The following PEX1 variants were observed in gnomAD, a reference collection of about 807,000 sequenced individuals.
PEX1 encodes the protein peroxisomal biogenesis factor 1, also known as peroxisomal ATPase PEX1.
In PEX1, 97 loss-of-function variants were observed where a neutral mutation model predicts 152.5. The observed-to-expected ratio is 0.64, with a 90% CI of 0.54 to 0.75. PEX1 has a LOEUF of 0.75. Ranked by LOEUF, PEX1 falls within the 30% of genes least tolerant of loss-of-function variation. PEX1 has a pLI of 0.00. For missense variants in PEX1, 1,357 were observed against 1,516.3 expected (o/e 0.89, Z 1.74); for synonymous variants, 485 against 531.6 (o/e 0.91, Z 1.21).
At chr7:92,494,060 TCCCCAATCAG>T in intron 19 of PEX1, 1 of 488,214 alleles carries the variant, frequency 2.0e-6, no homozygotes, top group Non-Finnish European at 3.7e-6. Flanking sequence ...CATTTTTTTT[TCCCCAATCAG>T]CCAACACAGA....
chr7:92,501,441 G>T, intron 15 of PEX1, 66 bp downstream of exon 15: 2 of 1,369,382 alleles, frequency 1.5e-6, no homozygotes, highest in Middle Eastern at 1.8e-4. Context: ...GACACATAAA[G>T]CCAAAGCCAA....
At position 92,517,612 on chromosome 7, in the gene PEX1, T is replaced by A. The variant is rs2116244706; in HGVS notation, c.903A>T (p.Ser301=). 4 of 1,614,154 alleles carry A rather than the reference T, an allele frequency of 2.5e-6. No individual in the cohort carries two copies. Among genetic ancestry groups the A allele is most frequent in the Non-Finnish European group, 3.4e-6 (4 of 1,180,002 alleles). Reference sequence around the variant, plus strand: ...AGTGTTTATGAAAAACAGAGGTTGCTGACGCGTTATATATACTAGGAGGTT... The same window carrying A: ...AGTGTTTATGAAAAACAGAGGTTGCAGACGCGTTATATATACTAGGAGGTT... ...KSQPPSIYNA[S]ATSVFHKHCA... is the part of the protein sequence containing the mutation. Residue 301 remains serine (S), a synonymous_variant, in exon 5 of 24, where the codon TCA becomes TCT. Transcript: ENST00000248633.
At chr7:92,511,992 C>G (rs567779645) in intron 6 of PEX1, among the ~76,000 whole-genome samples, 1 of 152,366 alleles carries the variant, frequency 6.6e-6, no homozygotes, top group South Asian at 2.1e-4. Context: ...ACCATTCCAA[C>G]CCCATTCTCC....
chr7:92,498,089 A>C (rs1270887676), intron 16 of PEX1, among the ~76,000 whole-genome samples: 1 of 151,594 alleles, frequency 6.6e-6, no homozygotes, highest in Non-Finnish European at 1.5e-5. Context: ...AAAAAAAAAA[A>C]ACTAAGGCAA....
In PEX1 at chr7:92,487,485, C is replaced by T. The variant is rs150793635; in HGVS notation, c.3824G>A (p.Arg1275Gln). ...RRKNQSGTMFRPGQKVTLA is the reference protein window; with the variant it reads ...RRKNQSGTMFQPGQKVTLA ...TGCTAAAGTTACTTTCTGTCCAGGT[C>T]GAAACATTGTTCCACTTTGATTTTT... Residue 1275 changes from arginine to glutamine, a missense_variant, in exon 24 of 24, where the codon CGA (arginine) becomes CAA (glutamine). By Grantham distance (43) the Arg-to-Gln change is conservative. Transcript: ENST00000248633. The T allele has an allele frequency of 1.1e-5, 17 of 1,593,614 alleles. No homozygotes were observed. Among genetic ancestry groups the T allele is most frequent in the African/African-American group, 2.7e-5 (2 of 74,500 alleles).
At chr7:92,495,487 A>G (rs1450781923) in intron 17 of PEX1, among the ~76,000 whole-genome samples, 2 of 152,158 alleles carry the variant, frequency 1.3e-5, no homozygotes, top group African/African-American at 4.8e-5. Context: ...TTTCTAACTC[A>G]ATTTTTACTA....
At chr7:92,517,178 T>C in intron 5 of PEX1, 98 bp downstream of exon 5, 1 of 1,016,300 alleles carries the variant, frequency 9.8e-7, no homozygotes, top group Non-Finnish European at 1.5e-6. Flanking sequence ...TTCTTTTTAA[T>C]TGATTTTCAA....
At chr7:92,508,926 GT>G (rs2116192361) in intron 9 of PEX1, among the ~76,000 whole-genome samples, 1 of 152,028 alleles carries the variant, frequency 6.6e-6, no homozygotes, top group South Asian at 2.1e-4. Context: ...TTCAACTAAT[GT>G]TTTTGGCTTT....
chr7:92,515,119 A>C (rs913794143), intron 5 of PEX1, among the ~76,000 whole-genome samples: 5 of 104,864 alleles, frequency 4.8e-5, no homozygotes, highest in African/African-American at 1.9e-4. Context: ...ATATATATAT[A>C]TATCAATAAT....
At chr7:92,521,615 AGTAGAGAGGGGGG>A (rs968955528) in intron 2 of PEX1, among the ~76,000 whole-genome samples, 2 of 151,920 alleles carry the variant, frequency 1.3e-5, no homozygotes, top group Non-Finnish European at 2.9e-5. Context: ...TTGAATTTTT[AGTAGAGAGGGGGG>A]GTTTCACCAC....
At position 92,513,919 on chromosome 7, in the gene PEX1, C is replaced by G. The variant is rs145344977; in HGVS notation, c.1288G>C (p.Val430Leu). Residue 430 changes from valine (V) to leucine (L), a missense_variant, in exon 6 of 24, where the codon GTC becomes CTC. Physicochemically the swap from Val to Leu is conservative, Grantham distance 32 (BLOSUM62 1). Coordinates refer to ENST00000248633, the MANE Select transcript of PEX1 (RefSeq NM_000466.3). ...GTAACTTCCACTGGAGTTATCCTGA[C>G]TACGGCATGCATTTCTATATTTAGT... Reference protein sequence around the residue: ...KRLNIEMHAVVRITPVEVTPK... With the variant: ...KRLNIEMHAVLRITPVEVTPK... 1.9e-6 allele frequency: 3 copies of G among 1,593,778 alleles called. No homozygotes were observed. The highest frequency in any genetic ancestry group is 2.6e-6 in the Non-Finnish European group (3 of 1,162,440).
chr7:92,517,264 AT>A lies in PEX1; in HGVS notation c.1239+11del, dbSNP rs764454264. 3 of 1,606,214 alleles carry A rather than the reference AT, an allele frequency of 1.9e-6. No homozygotes were observed. In the Admixed American group the frequency reaches 5.0e-5, roughly 27 times the overall value. ...CATAAAATTTCTCCCAAGTTATAAA[AT>A]TTATACTAACCCAGACTTTCCCAAG... On this transcript the variant is annotated intron_variant, in intron 5 of 23. Coordinates refer to ENST00000248633, the MANE Select transcript of PEX1 (RefSeq NM_000466.3).
intron 1 of PEX1, among the ~76,000 whole-genome samples, chr7:92,525,765 TGAGTA>T (rs1793238782): frequency 6.6e-6 from 1 of 152,160 alleles, no homozygotes. Context: ...AATAATGACT[TGAGTA>T]AACAAGAGAA....
At chr7:92,516,055 A>G (rs200792674) in intron 5 of PEX1, among the ~76,000 whole-genome samples, 45 of 85,790 alleles carry the variant, frequency 5.2e-4, no homozygotes, top group African/African-American at 1.6e-3. Flanking sequence ...AGAGAAGAGA[A>G]AAAAGAAAAG....
chr7:92,497,692 T>G (rs1000009569), intron 16 of PEX1, among the ~76,000 whole-genome samples: 4 of 152,176 alleles, frequency 2.6e-5, no homozygotes, highest in Non-Finnish European at 5.9e-5. Flanking sequence ...TTCAACCACA[T>G]AAATATCTAT....
intron 21 of PEX1, 154 bp from the exon 22 acceptor site, chr7:92,490,065 A>C: frequency 1.5e-6 from 1 of 688,620 alleles, no homozygotes. Flanking sequence ...CAAGCTGAAA[A>C]GTTGTTCATC....
At position 92,505,483 on chromosome 7, in the gene PEX1, C is replaced by A. The variant is rs1375311917; in HGVS notation, c.1901-581G>T. ...TCCTGTATGCATGTATTCATTTATACCCAGTTTCATCCCATTGAGAATTTT... is the reference window on the plus strand; with the variant it reads ...TCCTGTATGCATGTATTCATTTATAACCAGTTTCATCCCATTGAGAATTTT... On this transcript the variant is annotated intron_variant, in intron 11 of 23. Transcript: ENST00000248633. Among the ~76,000 whole-genome samples, 4 of 151,152 alleles carry A rather than the reference C, an allele frequency of 2.6e-5. No individual in the cohort carries two copies. The South Asian group carries it at 8.4e-4, about 32-fold the overall frequency.
rs185668395 is a variant in PEX1 at position 92,506,222 on chromosome 7, T to A, written c.1900+26A>T. 4.9e-4 allele frequency: 588 copies of A among 1,207,338 alleles called. 4 individuals are homozygous for A. The highest frequency in any genetic ancestry group is 1.4e-4 in the East Asian group (6 of 43,012). The allele number at this position is 1,207,338 out of a possible 1,614,324, so 74.8% of individuals were successfully genotyped here. Reference sequence around the variant, plus strand: ...CTGTCTTTCTAATGAAAAAGGGATTTATATAGAGTGTTACCATACTCATAC... The same window carrying A: ...CTGTCTTTCTAATGAAAAAGGGATTAATATAGAGTGTTACCATACTCATAC... On this transcript the variant is annotated intron_variant, in intron 11 of 23. Transcript: ENST00000248633.
chr7:92,520,614 C>T (rs1190526318), intron 2 of PEX1, among the ~76,000 whole-genome samples: 13 of 152,132 alleles, frequency 8.5e-5, no homozygotes, highest in Non-Finnish European at 2.9e-5. Flanking sequence ...TGAGAAAGCA[C>T]AAAGCAGCTC....
Sources: gnomAD v4.1 joint callset for allele counts (sites outside exome capture counted in the v4.1 genomes callset) on GRCh38, gnomAD v4.1.1 for gene constraint, MANE v1.5 for transcripts, NCBI Gene and HGNC (gene_info 2026-07-23, HGNC 2026-07-21) for gene names.